ROBO2: variants seen among roughly 807,000 people sequenced by gnomAD.
ROBO2 encodes the protein roundabout homolog 2.
A neutral mutation model predicts 160.8 loss-of-function variants in ROBO2; 53 were observed. That is an observed-to-expected ratio of 0.33 (90% CI 0.26 to 0.41). The LOEUF (loss-of-function observed/expected upper bound fraction) is 0.41, where lower values mean the gene tolerates loss of function less well. Among genes scored for constraint, ROBO2 ranks in the 10% least tolerant of loss-of-function variants. ROBO2 has a pLI of 1.00. For synonymous variants in ROBO2, 664 were observed against 611.7 expected (o/e 1.09, Z -1.26); for missense variants, 1,577 against 1,722.4 (o/e 0.92, Z 1.49).
chr3:76,313,890 G>A (rs1472541763), intron 2 of ROBO2, among the ~76,000 whole-genome samples: 1 of 152,100 alleles, frequency 6.6e-6, no homozygotes, highest in Non-Finnish European at 1.5e-5. Context: ...GACAGAAATG[G>A]TTATTGGGGC....
intron 1 of ROBO2, among the ~76,000 whole-genome samples, chr3:77,046,738 T>G (rs561515885): frequency 6.6e-6 from 1 of 152,292 alleles, no homozygotes; most frequent in African/African-American, 2.4e-5. Context: ...TTACTGAAAA[T>G]GACCAGCTAT....
intron 4 of ROBO2, among the ~76,000 whole-genome samples, chr3:77,481,950 A>C (rs2084747341): frequency 6.6e-6 from 1 of 152,160 alleles, no homozygotes; most frequent in South Asian, 2.1e-4. Flanking sequence ...AAGAGAGAGA[A>C]AATGACAAAA....
At chr3:77,117,642 G>T (rs1280765513) in intron 2 of ROBO2, among the ~76,000 whole-genome samples, 6 of 152,088 alleles carry the variant, frequency 3.9e-5, no homozygotes, top group Non-Finnish European at 5.9e-5. Flanking sequence ...TTAGCAGTTT[G>T]TTTTATGGTA....
At chr3:76,049,735 G>A (rs778876387) in intron 2 of ROBO2, among the ~76,000 whole-genome samples, 1 of 151,892 alleles carries the variant, frequency 6.6e-6, no homozygotes, top group African/African-American at 2.4e-5. Context: ...TCTGTAACTT[G>A]TGCCACTTTT....
chr3:76,418,733 A>T (rs2075863934), intron 2 of ROBO2, among the ~76,000 whole-genome samples: 1 of 151,156 alleles, frequency 6.6e-6, no homozygotes, highest in Non-Finnish European at 1.5e-5. Context: ...AATGATGAAA[A>T]TTTTCAAATA....
chr3:77,092,676 T>G (rs2070469619), intron 1 of ROBO2, among the ~76,000 whole-genome samples: 1 of 147,844 alleles, frequency 6.8e-6, no homozygotes, highest in Admixed American at 6.8e-5. Context: ...AATTAAAACT[T>G]GACTGATTGC....
At chr3:76,426,231 C>A (rs1377216145) in intron 2 of ROBO2, among the ~76,000 whole-genome samples, 1 of 152,114 alleles carries the variant, frequency 6.6e-6, no homozygotes, top group Non-Finnish European at 1.5e-5. Flanking sequence ...TTGACTAGTA[C>A]CACTTTGACA....
In ROBO2 at chr3:76,225,084, T is replaced by C. The variant is rs141171899; in HGVS notation, c.109+287482T>C. 7.2e-5 allele frequency among the ~76,000 whole-genome samples: 11 copies of C among 152,300 alleles called. No homozygotes were observed. In the East Asian group the frequency reaches 2.1e-3, roughly 29 times the overall value. On this transcript the variant is annotated intron_variant, in intron 2 of 26. Transcript: ENST00000487694. ...ATATAAATATGGTAACTAGTAAATATAAATATTTTCTGAGTCATTTTAATT... is the reference window on the plus strand; with the variant it reads ...ATATAAATATGGTAACTAGTAAATACAAATATTTTCTGAGTCATTTTAATT...
intron 2 of ROBO2, among the ~76,000 whole-genome samples, chr3:77,467,832 A>T (rs1021709384): frequency 1.3e-5 from 2 of 152,076 alleles, no homozygotes; most frequent in African/African-American, 4.8e-5. Context: ...AGTTATAAGC[A>T]TTGCTTTGAG....
intron 2 of ROBO2, among the ~76,000 whole-genome samples, chr3:76,410,334 T>A (rs1446569021): frequency 1.3e-5 from 2 of 152,130 alleles, no homozygotes; most frequent in Non-Finnish European, 2.9e-5. Flanking sequence ...GTGTATATAT[T>A]GTATCTATTC....
intron 2 of ROBO2, among the ~76,000 whole-genome samples, chr3:77,333,305 C>G (rs949351792): frequency 2.4e-4 from 37 of 152,138 alleles, no homozygotes; most frequent in African/African-American, 8.2e-4. Flanking sequence ...CCTAAATTTC[C>G]TCAGACATTA....
At chr3:76,072,041 G>A (rs1252307288) in intron 2 of ROBO2, among the ~76,000 whole-genome samples, 2 of 152,028 alleles carry the variant, frequency 1.3e-5, no homozygotes, top group Non-Finnish European at 2.9e-5. Flanking sequence ...TACTTTGTAT[G>A]TCAGTGGTTT....
chr3:76,605,540 C>T (rs1161338094), intron 2 of ROBO2, among the ~76,000 whole-genome samples: 1 of 152,144 alleles, frequency 6.6e-6, no homozygotes, highest in Non-Finnish European at 1.5e-5. Flanking sequence ...CATGGTCTAA[C>T]TGTGTAATTT....
In ROBO2 at chr3:77,613,751, T is replaced by C. The variant is rs1005813794; in HGVS notation, c.3294-3762T>C. Among the ~76,000 whole-genome samples the C allele has an allele frequency of 9.8e-5, 15 of 152,310 alleles. No homozygotes were observed. In the South Asian group the frequency reaches 3.1e-3, roughly 32 times the overall value. On this transcript the variant is annotated intron_variant, in intron 21 of 25. Coordinates refer to ENST00000461745, the Ensembl canonical transcript of ROBO2. The stretch of plus-strand genomic sequence containing the variant: ...GAACAGTTCAATGTCATAACTATAA[T>C]GCACTTGAGGAAAAGGTATTATAAA...
intron 2 of ROBO2, among the ~76,000 whole-genome samples, chr3:76,673,023 G>T (rs2092310372): frequency 6.6e-6 from 1 of 151,950 alleles, no homozygotes; most frequent in African/African-American, 2.4e-5. Flanking sequence ...AGAAATGATA[G>T]TAAAAGTATG....
At chr3:76,448,171 A>T (rs1268848197) in intron 2 of ROBO2, among the ~76,000 whole-genome samples, 2 of 152,128 alleles carry the variant, frequency 1.3e-5, no homozygotes, top group East Asian at 1.9e-4. Flanking sequence ...GTTTTGAAAG[A>T]GTCTTTCAAG....
chr3:76,064,453 C>T (rs916071593), intron 2 of ROBO2, among the ~76,000 whole-genome samples: 6 of 151,984 alleles, frequency 3.9e-5, no homozygotes, highest in Admixed American at 1.3e-4. Context: ...ATCCTCTGGG[C>T]CAAGCTACTA....
chr3:77,376,645 T>A (rs1581466915), intron 2 of ROBO2, among the ~76,000 whole-genome samples: 1 of 152,164 alleles, frequency 6.6e-6, no homozygotes, highest in Non-Finnish European at 1.5e-5. Flanking sequence ...TTCTTGTATA[T>A]GCTTAGAAAG....
intron 2 of ROBO2, among the ~76,000 whole-genome samples, chr3:76,732,994 TG>T (rs796513860): frequency 9.4e-5 from 11 of 117,460 alleles, no homozygotes; most frequent in South Asian, 5.8e-4. Flanking sequence ...TGACTGGGGG[TG>T]GGGGGGGGAG....
Sources: allele counts gnomAD v4.1 joint callset (sites outside exome capture counted in the v4.1 genomes callset), GRCh38; gene constraint gnomAD v4.1.1; transcripts MANE v1.5; gene names NCBI Gene and HGNC (gene_info 2026-07-23, HGNC 2026-07-21).